TRAPPC12: variants seen among roughly 807,000 people sequenced by gnomAD.
TRAPPC12 encodes TPR repeat protein 15.
A neutral mutation model predicts 69.2 loss-of-function variants in TRAPPC12; 61 were observed. That is an observed-to-expected ratio of 0.88 (90% CI 0.72 to 1.09). The LOEUF is 1.09. TRAPPC12 is among the 50% of genes least tolerant of loss of function. TRAPPC12 has a pLI of 0.00. For missense variants in TRAPPC12, 1,101 were observed against 1,016.4 expected (o/e 1.08, Z -1.13); for synonymous variants, 469 against 438.9 (o/e 1.07, Z -0.86).
At chr2:3,412,556 C>T (rs1309341491) in intron 3 of TRAPPC12, among the ~76,000 whole-genome samples, 5 of 152,124 alleles carry the variant, frequency 3.3e-5, no homozygotes, top group South Asian at 2.1e-4. Context: ...AGCAAAACTC[C>T]GTCTCAAAAA....
chr2:3,386,640 A>T (rs973838076), intron 1 of TRAPPC12, among the ~76,000 whole-genome samples: 2 of 152,110 alleles, frequency 1.3e-5, no homozygotes, highest in African/African-American at 4.8e-5. Flanking sequence ...TTACTGTTTA[A>T]ATTTTTCATG....
chr2:3,445,683 A>G (rs1005976461), intron 6 of TRAPPC12, among the ~76,000 whole-genome samples: 1 of 152,254 alleles, frequency 6.6e-6, no homozygotes, highest in Admixed American at 6.5e-5. Context: ...TTAGGATCAC[A>G]TGAGTTGAAC....
At chr2:3,460,084 G>C in intron 7 of TRAPPC12, 179 bp from the exon 8 acceptor site, 1 of 680,876 alleles carries the variant, frequency 1.5e-6, no homozygotes, top group South Asian at 1.6e-5. Context: ...CCCAATGCGA[G>C]TGCTGTATTT....
chr2:3,479,303 G>GACCCC lies in TRAPPC12; in HGVS notation c.2052_2056dup (p.Arg686ThrfsTer14), dbSNP rs765540924. 1 of 1,614,208 alleles carries GACCCC rather than the reference G, an allele frequency of 6.2e-7. No individual in the cohort carries two copies. Among genetic ancestry groups the GACCCC allele is most frequent in the Non-Finnish European group, 8.5e-7 (1 of 1,180,042 alleles). ...GCAGCTGGAGGCCATGGTCCAGCAG[G>GACCCC]ACCCCAGGCACTACCTGCACGAGAG... On this transcript the variant is annotated frameshift_variant, in exon 12 of 12. Transcript: ENST00000324266. LOFTEE classifies it high-confidence loss of function.
chr2:3,428,797 C>T (rs1663262462), intron 5 of TRAPPC12, among the ~76,000 whole-genome samples: 1 of 152,154 alleles, frequency 6.6e-6, no homozygotes, highest in Non-Finnish European at 1.5e-5. Context: ...GCCGACCCAG[C>T]CCCGCGCCCC....
intron 5 of TRAPPC12, among the ~76,000 whole-genome samples, chr2:3,438,201 C>A (rs1285261390): frequency 1.7e-5 from 2 of 116,614 alleles, no homozygotes; most frequent in Admixed American, 8.5e-5. Context: ...CCCCACCACC[C>A]CTGGATTCAT....
intron 5 of TRAPPC12, among the ~76,000 whole-genome samples, chr2:3,434,391 CT>C (rs1663634577): frequency 1.3e-5 from 2 of 152,196 alleles, no homozygotes; most frequent in Non-Finnish European, 2.9e-5. Flanking sequence ...ACATTTTTCT[CT>C]TTCATATGAA....
intron 2 of TRAPPC12, among the ~76,000 whole-genome samples, chr2:3,389,493 A>G (rs1347215644): frequency 6.6e-6 from 1 of 152,256 alleles, no homozygotes; most frequent in Non-Finnish European, 1.5e-5. Flanking sequence ...GGCGAGGGGA[A>G]CACCGTGGCG....
At chr2:3,460,365 T>C (rs1345690610) in intron 8 of TRAPPC12, 29 bp downstream of exon 8, 2 of 864,154 alleles carry the variant, frequency 2.3e-6, no homozygotes, top group Non-Finnish European at 4.0e-6. Flanking sequence ...AGGGCTGCCA[T>C]GTGATCTGGA....
intron 3 of TRAPPC12, among the ~76,000 whole-genome samples, chr2:3,415,874 G>A (rs897046032): frequency 5.9e-5 from 9 of 151,970 alleles, no homozygotes; most frequent in African/African-American, 1.2e-4. Context: ...CCACCACCAC[G>A]CCTGGCTAAT....
At chr2:3,461,676 C>T (rs1294331385) in intron 8 of TRAPPC12, among the ~76,000 whole-genome samples, 4 of 152,274 alleles carry the variant, frequency 2.6e-5, no homozygotes. Flanking sequence ...GATAGTCCCA[C>T]TGAGGTCAGG....
intron 6 of TRAPPC12, among the ~76,000 whole-genome samples, chr2:3,450,523 G>A (rs1313227653): frequency 6.6e-6 from 1 of 152,186 alleles, no homozygotes; most frequent in Non-Finnish European, 1.5e-5. Flanking sequence ...CTTTGTGCAA[G>A]TGAGAGCATT....
chr2:3,473,224 C>T lies in TRAPPC12; in HGVS notation c.1777-4471C>T, dbSNP rs993138400. ...GAAAGGAGAGCACCCCTGGGGCCGG[C>T]TCTGCTGTGCTCACGCCGGGACGGG... is the stretch of plus-strand genomic sequence containing the variant. On this transcript the variant is annotated intron_variant, in intron 9 of 11. Transcript: ENST00000324266. Among the ~76,000 whole-genome samples, 3 of 152,266 alleles carry T rather than the reference C, an allele frequency of 2.0e-5. No homozygotes were observed. In the South Asian group the frequency reaches 6.2e-4, roughly 32 times the overall value.
intron 5 of TRAPPC12, among the ~76,000 whole-genome samples, chr2:3,433,816 A>G (rs1041870259): frequency 8.5e-5 from 13 of 152,192 alleles, no homozygotes; most frequent in African/African-American, 2.7e-4. Flanking sequence ...ACAACTATAC[A>G]TGGGAATCTT....
At chr2:3,435,169 C>T (rs1663686148) in intron 5 of TRAPPC12, among the ~76,000 whole-genome samples, 1 of 152,174 alleles carries the variant, frequency 6.6e-6, no homozygotes, top group South Asian at 2.1e-4. Flanking sequence ...CATGCCACCA[C>T]GCCCAGCTAA....
intron 2 of TRAPPC12, among the ~76,000 whole-genome samples, chr2:3,391,031 G>T (rs1024189721): frequency 1.3e-5 from 2 of 152,134 alleles, no homozygotes; most frequent in African/African-American, 2.4e-5. Context: ...AATCAGGACA[G>T]AAGATAGCAT....
At chr2:3,443,398 C>T (rs1311862503) in intron 5 of TRAPPC12, among the ~76,000 whole-genome samples, 1 of 152,218 alleles carries the variant, frequency 6.6e-6, no homozygotes, top group African/African-American at 2.4e-5. Flanking sequence ...AGCTAAGCAA[C>T]CTACCATTCG....
intron 9 of TRAPPC12, among the ~76,000 whole-genome samples, chr2:3,472,866 A>C (rs1426167890): frequency 1.3e-5 from 2 of 152,162 alleles, no homozygotes; most frequent in Non-Finnish European, 2.9e-5. Flanking sequence ...GACCAGGGTC[A>C]GGGTCAGCGT....
intron 5 of TRAPPC12, among the ~76,000 whole-genome samples, chr2:3,431,510 T>A (rs913920987): frequency 3.3e-5 from 5 of 152,238 alleles, no homozygotes; most frequent in Non-Finnish European, 7.3e-5. Flanking sequence ...TTAAAATACC[T>A]TTCCAAAATC....
Sources: allele counts gnomAD v4.1 joint callset (sites outside exome capture counted in the v4.1 genomes callset), GRCh38; gene constraint gnomAD v4.1.1; transcripts MANE v1.5; gene names NCBI Gene and HGNC (gene_info 2026-07-23, HGNC 2026-07-21).